Variants in PRKG1 observed in about 807,000 individuals in gnomAD.
PRKG1 encodes the protein cGMP-dependent protein kinase 1.
A neutral mutation model predicts 88.1 loss-of-function variants in PRKG1; 35 were observed. The observed-to-expected ratio is 0.40, with a 90% confidence interval of 0.30 to 0.53. The LOEUF is 0.53. PRKG1 is among the 20% of genes least tolerant of loss of function. The pLI, the probability that PRKG1 is intolerant of heterozygous loss-of-function variation, is 0.59. For missense variants in PRKG1, 540 were observed against 839.8 expected, an observed-to-expected ratio of 0.64 and a Z score of 4.41; for synonymous variants, 303 against 292.5, an observed-to-expected ratio of 1.04 and a Z score of -0.37.
chr10:51,640,454 C>A (rs1209665406), intron 3 of PRKG1, among the ~76,000 whole-genome samples: 1 of 151,932 alleles, frequency 6.6e-6, no homozygotes, highest in African/African-American at 2.4e-5. Flanking sequence ...CTTGTACGTG[C>A]AAGAATAATG....
intron 9 of PRKG1, among the ~76,000 whole-genome samples, chr10:52,191,662 G>A (rs1212685432): frequency 6.6e-6 from 1 of 152,134 alleles, no homozygotes; most frequent in African/African-American, 2.4e-5. Flanking sequence ...TTCAATATTA[G>A]ATTATAATAA....
At chr10:52,143,697 C>T (rs1837647980) in intron 8 of PRKG1, among the ~76,000 whole-genome samples, 1 of 152,176 alleles carries the variant, frequency 6.6e-6, no homozygotes, top group Admixed American at 6.5e-5. Flanking sequence ...CAAGAGCCTA[C>T]CAAGAACACT....
At chr10:51,380,577 G>A (rs549219224) in intron 2 of PRKG1, among the ~76,000 whole-genome samples, 44 of 152,140 alleles carry the variant, frequency 2.9e-4, no homozygotes, top group African/African-American at 1.0e-3. Flanking sequence ...AGGCTGGCAG[G>A]TCACCTGAGG....
intron 1 of PRKG1, among the ~76,000 whole-genome samples, chr10:50,994,532 T>G (rs968724916): frequency 4.7e-5 from 7 of 149,056 alleles, no homozygotes; most frequent in African/African-American, 1.7e-4. Context: ...TGCCTCAGCC[T>G]CCCGAGTACA....
chr10:51,969,974 G>C (rs1440016697), intron 5 of PRKG1, among the ~76,000 whole-genome samples: 1 of 148,084 alleles, frequency 6.8e-6, no homozygotes, highest in Non-Finnish European at 1.5e-5. Context: ...ATTTTACTCT[G>C]TTTGCTTTAT....
chr10:51,871,733 A>T (rs563861187), intron 4 of PRKG1, among the ~76,000 whole-genome samples: 9 of 152,298 alleles, frequency 5.9e-5, no homozygotes, highest in African/African-American at 2.2e-4. Context: ...GACTTCCCCC[A>T]ACTCTGGCTG....
intron 3 of PRKG1, among the ~76,000 whole-genome samples, chr10:51,470,769 T>C (rs527384135): frequency 6.6e-6 from 1 of 152,030 alleles, no homozygotes; most frequent in East Asian, 1.9e-4. Context: ...AAGCTCTAGA[T>C]TGACATATGC....
intron 7 of PRKG1, among the ~76,000 whole-genome samples, chr10:52,133,327 AG>A (rs1837315980): frequency 6.6e-6 from 1 of 152,246 alleles, no homozygotes; most frequent in African/African-American, 2.4e-5. Context: ...CTTCTGATAT[AG>A]ATGAATGACT....
At chr10:52,222,688 T>TG (rs1390209327) in intron 9 of PRKG1, among the ~76,000 whole-genome samples, 1 of 152,186 alleles carries the variant, frequency 6.6e-6, no homozygotes, top group Non-Finnish European at 1.5e-5. Flanking sequence ...AGTTTTCCCC[T>TG]GGGGGATGTA....
intron 2 of PRKG1, among the ~76,000 whole-genome samples, chr10:51,452,770 T>C (rs1298622706): frequency 6.6e-6 from 1 of 151,952 alleles, no homozygotes; most frequent in African/African-American, 2.4e-5. Context: ...ATTATGTCCC[T>C]TCTTGGTTTT....
chr10:51,496,305 C>T lies in PRKG1; in HGVS notation c.592+28469C>T, dbSNP rs1019363982. ...GCCTTGTACGATTAGAGGCAAATAT[C>T]TGATTTACTTAGGAACTAAATCAGA... On this transcript the variant is annotated intron_variant, in intron 3 of 17. Transcript: ENST00000373980. 1.2e-4 allele frequency among the ~76,000 whole-genome samples: 19 copies of T among 152,242 alleles called. No individual in the cohort carries two copies. In the East Asian group the frequency reaches 1.9e-3, roughly 15 times the overall value.
intron 2 of PRKG1, among the ~76,000 whole-genome samples, chr10:51,242,959 G>A (rs1839192605): frequency 6.6e-6 from 1 of 152,126 alleles, no homozygotes; most frequent in Admixed American, 6.6e-5. Context: ...TTTGGAGGGA[G>A]GCTGGAGACC....
At chr10:51,345,985 G>T (rs1842105214) in intron 2 of PRKG1, among the ~76,000 whole-genome samples, 1 of 152,150 alleles carries the variant, frequency 6.6e-6, no homozygotes, top group South Asian at 2.1e-4. Context: ...CAAGGCTCTT[G>T]ATTCTCTGTC....
In PRKG1 at chr10:52,062,572, C is replaced by T. The variant is rs764715643; in HGVS notation, c.876C>T (p.Asp292=). The part of the protein sequence containing the change: ...NVTREDSPSE[D]PVFLRTLGKG... ...CTCGTGAAGACTCACCGAGTGAAGA[C>T]CCAGTCTTTCTTAGAACTTTAGGAA... The change falls in exon 7 of 18, where the codon GAC becomes GAT. Residue 292 remains aspartate (D), a synonymous_variant. Transcript: ENST00000373980. 1.2e-6 allele frequency: 2 copies of T among 1,607,016 alleles called. No individual in the cohort carries two copies. The highest frequency in any genetic ancestry group is 1.1e-5 in the South Asian group (1 of 89,514).
chr10:52,136,474 G>A (rs1208657190), intron 8 of PRKG1, among the ~76,000 whole-genome samples: 1 of 151,928 alleles, frequency 6.6e-6, no homozygotes, highest in Non-Finnish European at 1.5e-5. Context: ...TGAGACTAAG[G>A]CTTTTCCCTA....
chr10:52,257,962 A>C lies in PRKG1; in HGVS notation c.1173+6296A>C, dbSNP rs1480237413. Among the ~76,000 whole-genome samples, 3 of 139,552 alleles carry C rather than the reference A, an allele frequency of 2.1e-5. 1 individual carries two copies. Among genetic ancestry groups the C allele is most frequent in the African/African-American group, 7.4e-5 (3 of 40,398 alleles). The allele number at this position is 139,552 out of a possible 152,430, so 91.6% of individuals were successfully genotyped here. On this transcript the variant is annotated intron_variant, in intron 10 of 17. Transcript: ENST00000373980. ...AGCTTATCTCTACTTTGGTATATGC[A>C]AATAAAGTAAGATAAGCATTACTTC... is the stretch of plus-strand genomic sequence containing the variant.
At chr10:51,204,826 A>G (rs1229040790) in intron 2 of PRKG1, among the ~76,000 whole-genome samples, 2 of 152,232 alleles carry the variant, frequency 1.3e-5, no homozygotes, top group Non-Finnish European at 2.9e-5. Flanking sequence ...AGTTCATGAA[A>G]GCACTGAATA....
At chr10:51,232,534 C>A (rs532454418) in intron 2 of PRKG1, among the ~76,000 whole-genome samples, 3 of 139,000 alleles carry the variant, frequency 2.2e-5, no homozygotes, top group African/African-American at 5.8e-5. Context: ...ACATTTTACA[C>A]CCCAATGATT....
At chr10:51,467,549 C>A (rs1292222742) in intron 2 of PRKG1, among the ~76,000 whole-genome samples, 174 bp from the exon 3 acceptor site, 2 of 151,862 alleles carry the variant, frequency 1.3e-5, no homozygotes, top group African/African-American at 2.4e-5. Flanking sequence ...AAAATATGTA[C>A]TTTTCTTAAC....
Sources: gnomAD v4.1 joint callset for allele counts (sites outside exome capture counted in the v4.1 genomes callset) on GRCh38, gnomAD v4.1.1 for gene constraint, MANE v1.5 for transcripts, NCBI Gene and HGNC (gene_info 2026-07-23, HGNC 2026-07-21) for gene names.